The following PSD3 variants were observed in gnomAD, a reference collection of about 807,000 sequenced individuals.
PSD3 encodes PH and SEC7 domain-containing protein 3.
A neutral mutation model predicts 105.5 loss-of-function variants in PSD3; 49 were observed. That is an observed-to-expected ratio of 0.46 (90% CI 0.37 to 0.59). The LOEUF (loss-of-function observed/expected upper bound fraction) is 0.59, where lower values mean the gene tolerates loss of function less well. Among genes scored for constraint, PSD3 ranks in the 20% least tolerant of loss-of-function variants. The pLI is 0.00. For missense variants in PSD3, 1,561 were observed against 1,263.8 expected (o/e 1.24, Z -3.57); for synonymous variants, 557 against 457.8 (o/e 1.22, Z -2.77).
At chr8:18,871,535 T>A (rs1817346930) in intron 3 of PSD3, 91 bp downstream of exon 3, 1 of 1,447,226 alleles carries the variant, frequency 6.9e-7, no homozygotes, top group Non-Finnish European at 9.3e-7. Context: ...CCCAAGGTAT[T>A]GTGATTGAGT....
At chr8:18,955,245 CTT>C (rs924725889) in intron 1 of PSD3, among the ~76,000 whole-genome samples, 4 of 152,010 alleles carry the variant, frequency 2.6e-5, no homozygotes, top group Non-Finnish European at 5.9e-5. Flanking sequence ...CATGACGTCT[CTT>C]TTGTGTTTTT....
In PSD3 at chr8:18,855,632, C is replaced by T. The variant is rs1302471770; in HGVS notation, c.1634+12042G>A. Among the ~76,000 whole-genome samples the T allele has an allele frequency of 2.0e-5, 3 of 152,168 alleles. No individual in the cohort carries two copies. In the East Asian group the frequency reaches 5.8e-4, roughly 29 times the overall value. ...AAGGCAACCTGCATGTATGAAAGAA[C>T]TCAGACACAATGGCCAGTTTCACAA... On this transcript the variant is annotated intron_variant, in intron 4 of 15. Transcript: ENST00000327040.
At chr8:19,008,097 G>A (rs1345922948) in intron 1 of PSD3, among the ~76,000 whole-genome samples, 1 of 152,176 alleles carries the variant, frequency 6.6e-6, no homozygotes, top group African/African-American at 2.4e-5. Context: ...ACCCGCCTCG[G>A]GCTCCCAAAG....
intron 1 of PSD3, among the ~76,000 whole-genome samples, chr8:19,049,925 C>A (rs1377390978): frequency 6.6e-6 from 1 of 152,074 alleles, no homozygotes; most frequent in African/African-American, 2.4e-5. Flanking sequence ...TAATAAAAAC[C>A]AATCATGACA....
chr8:18,657,321 T>C (rs183574836), intron 9 of PSD3, among the ~76,000 whole-genome samples: 10 of 152,358 alleles, frequency 6.6e-5, no homozygotes, highest in Admixed American at 3.9e-4. Context: ...ATTTAAGTTG[T>C]AGAATTTATA....
At chr8:18,978,205 G>A (rs144913180) in intron 1 of PSD3, among the ~76,000 whole-genome samples, 339 of 152,360 alleles carry the variant, frequency 2.2e-3, no homozygotes, top group Admixed American at 3.4e-3. Flanking sequence ...GGCACTGCCT[G>A]CAAGGCTAAA....
chr8:18,872,581 G>A lies in PSD3; in HGVS notation c.283C>T (p.Gln95Ter). Residue 95 changes from glutamine (Q) to a stop codon, truncating the protein, a stop_gained, in exon 3 of 16, where the codon CAG (glutamine) becomes TAG (stop). Coordinates refer to ENST00000327040, the MANE Select transcript of PSD3 (RefSeq NM_015310.4). LOFTEE classifies it high-confidence loss of function. Reference protein sequence around the residue: ...PCHPQEQQGVQPLTGCHSGLD... With the variant: ...PCHPQEQQGV The stretch of plus-strand genomic sequence containing the variant: ...CCAGAGTGGCAGCCAGTAAGAGGCT[G>A]GACACCCTGCTGCTCTTGTGGGTGG... 6.2e-7 allele frequency: 1 copy of A among 1,614,028 alleles called. No homozygotes were observed. The highest frequency in any genetic ancestry group is 8.5e-7 in the Non-Finnish European group (1 of 1,179,976).
chr8:18,687,807 C>T (rs921191748), intron 9 of PSD3, among the ~76,000 whole-genome samples: 1 of 152,118 alleles, frequency 6.6e-6, no homozygotes, highest in African/African-American at 2.4e-5. Flanking sequence ...TGCTCCATCG[C>T]CCAGGCTGGA....
At chr8:18,930,194 G>A (rs973495662) in intron 2 of PSD3, among the ~76,000 whole-genome samples, 9 of 152,140 alleles carry the variant, frequency 5.9e-5, no homozygotes, top group Non-Finnish European at 1.2e-4. Flanking sequence ...GAGTGGGTAG[G>A]GGTCAAGAGA....
At chr8:18,629,273 T>C (rs1413733521) in intron 11 of PSD3, among the ~76,000 whole-genome samples, 2 of 151,992 alleles carry the variant, frequency 1.3e-5, no homozygotes, top group Non-Finnish European at 2.9e-5. Flanking sequence ...TGCAAAATGA[T>C]ATAGAAACTT....
At position 18,916,349 on chromosome 8, in the gene PSD3, TAC is replaced by T. The variant is rs1216820670; in HGVS notation, c.130+19683_130+19684del. Reference sequence around the variant, plus strand: ...ATATATATATATATATATATATATATACACACACACACACACACACACACACA... The same window carrying T: ...ATATATATATATATATATATATATATACACACACACACACACACACACACA... On this transcript the variant is annotated intron_variant, in intron 2 of 15. Coordinates refer to ENST00000327040, the MANE Select transcript of PSD3 (RefSeq NM_015310.4). Among the ~76,000 whole-genome samples the T allele has an allele frequency of 2.5e-3, 110 of 44,720 alleles. 2 individuals are homozygous for T. Among genetic ancestry groups the T allele is most frequent in the East Asian group, 6.0e-3 (6 of 996 alleles). The allele number at this position is 44,720 out of a possible 152,430, so 29.3% of individuals were successfully genotyped here.
intron 9 of PSD3, among the ~76,000 whole-genome samples, chr8:18,682,029 C>A (rs1268176335): frequency 6.6e-6 from 1 of 151,406 alleles, no homozygotes; most frequent in Non-Finnish European, 1.5e-5. Context: ...AAGTGCTTGG[C>A]CTTCTCTTCC....
At chr8:18,691,633 A>G (rs1800978716) in intron 9 of PSD3, among the ~76,000 whole-genome samples, 1 of 152,236 alleles carries the variant, frequency 6.6e-6, no homozygotes, top group Admixed American at 6.5e-5. Context: ...TAAACCAATA[A>G]TTGTATATAA....
At chr8:18,861,507 A>G (rs1485072290) in intron 4 of PSD3, among the ~76,000 whole-genome samples, 1 of 151,874 alleles carries the variant, frequency 6.6e-6, no homozygotes, top group Admixed American at 6.6e-5. Context: ...CTCTCCTCCA[A>G]TTTGACCTCT....
intron 1 of PSD3, among the ~76,000 whole-genome samples, chr8:19,042,943 G>A (rs549401615): frequency 1.3e-5 from 2 of 152,280 alleles, no homozygotes; most frequent in East Asian, 3.9e-4. Flanking sequence ...GTACCAGTGA[G>A]CTGGCCAACA....
At chr8:18,719,516 G>A (rs1802815711) in intron 9 of PSD3, among the ~76,000 whole-genome samples, 1 of 152,082 alleles carries the variant, frequency 6.6e-6, no homozygotes, top group South Asian at 2.1e-4. Context: ...GTATAAAACT[G>A]TATCAAAACA....
intron 9 of PSD3, among the ~76,000 whole-genome samples, chr8:18,656,274 T>C (rs963490102): frequency 2.0e-5 from 3 of 152,032 alleles, no homozygotes; most frequent in Admixed American, 2.0e-4. Context: ...GCCAGACTGG[T>C]CTTGAACTCC....
At chr8:19,013,766 G>A (rs1239611083), upstream of PSD3, 1 of 263,852 alleles carries the variant, frequency 3.8e-6, no homozygotes, top group Non-Finnish European at 6.4e-6. Context: ...CGCGGCAGCC[G>A]CCCGCCCGGC....
chr8:18,663,271 AC>A lies in PSD3; in HGVS notation c.2173-7587del, dbSNP rs540311374. 2.0e-4 allele frequency among the ~76,000 whole-genome samples: 31 copies of A among 152,166 alleles called. No individual in the cohort carries two copies. The South Asian group carries it at 6.4e-3, about 32-fold the overall frequency. ...GCGAAACCCAGCCTTTACTAAAAAC[AC>A]AAAAATTAGCCAGGTGTGGTGACAC... On this transcript the variant is annotated intron_variant, in intron 9 of 15. Transcript: ENST00000327040.
Sources: allele counts gnomAD v4.1 joint callset (sites outside exome capture counted in the v4.1 genomes callset), GRCh38; gene constraint gnomAD v4.1.1; transcripts MANE v1.5; gene names NCBI Gene and HGNC (gene_info 2026-07-23, HGNC 2026-07-21).